The following ESRRA variants were observed in gnomAD, a reference collection of about 807,000 sequenced individuals.
ESRRA encodes the protein steroid hormone receptor ERR1.
A neutral mutation model predicts 35.6 loss-of-function variants in ESRRA; 7 were observed. The observed-to-expected ratio is 0.20, with a 90% CI of 0.11 to 0.37. The LOEUF (loss-of-function observed/expected upper bound fraction) is 0.37, where lower values mean the gene tolerates loss of function less well. Ranked by LOEUF, ESRRA falls within the 10% of genes least tolerant of loss-of-function variation. ESRRA has a pLI of 1.00. For synonymous variants in ESRRA, 223 were observed against 246.9 expected (o/e 0.90, Z 0.91); for missense variants, 378 against 561.7 (o/e 0.67, Z 3.31).
At position 64,313,576 on chromosome 11, in the gene ESRRA, G is replaced by A. The variant is rs1257519962; in HGVS notation, c.326-375G>A. Among the ~76,000 whole-genome samples, 1 of 152,170 alleles carries A rather than the reference G, an allele frequency of 6.6e-6. No homozygotes were observed. The highest frequency in any genetic ancestry group is 1.5e-5 in the Non-Finnish European group (1 of 68,016). ...GAAGAAAGTGTTTCAGTGTTTCTAG[G>A]AGCAGGAAGTGATCAACAGCCTTAG... is the stretch of plus-strand genomic sequence containing the variant. On this transcript the variant is annotated intron_variant, in intron 2 of 6. Coordinates refer to ENST00000000442, the MANE Select transcript of ESRRA (RefSeq NM_004451.5). This position sits in a 1 kb window ranked among gnomAD's most constrained non-coding sequence, Gnocchi z 4.0.
At chr11:64,307,127 T>A in intron 1 of ESRRA, 41 bp from the exon 2 acceptor site, 1 of 1,495,696 alleles carries the variant, frequency 6.7e-7, no homozygotes, top group Non-Finnish European at 9.0e-7. Flanking sequence ...CCATCCCCCA[T>A]ACCAGTGCTT....
rs531594229 is a variant in ESRRA, at chr11:64,315,119, T to C, written c.861T>C (p.Ala287=). The part of the protein sequence containing the change: ...SLPLQDELAF[A]EDLVLDEEGA... Reference sequence around the variant, plus strand: ...CACTGCAGGATGAGCTGGCCTTCGCTGAGGACTTAGTCCTGGATGAAGAGG... The same window carrying C: ...CACTGCAGGATGAGCTGGCCTTCGCCGAGGACTTAGTCCTGGATGAAGAGG... The change falls in exon 6 of 7, where the codon GCT becomes GCC. Residue 287 remains alanine (A), a synonymous_variant. Transcript: ENST00000000442. 1,122 of 1,612,684 alleles carry C rather than the reference T, an allele frequency of 7.0e-4. 21 individuals carry two copies. In the South Asian group the frequency reaches 0.012, roughly 17 times the overall value.
At chr11:64,306,983 A>G (rs2035045968) in intron 1 of ESRRA, 185 bp from the exon 2 acceptor site, 1 of 470,894 alleles carries the variant, frequency 2.1e-6, no homozygotes, top group Non-Finnish European at 3.7e-6. Flanking sequence ...CTCTGTTTCC[A>G]TGGCAACAGC....
Position 64,315,752 on chromosome 11 carries a change from A to C in ESRRA, c.1058A>C (p.Glu353Ala), listed in dbSNP as rs760746703. The C allele has an allele frequency of 6.8e-6, 11 of 1,613,816 alleles. No homozygotes were observed. The highest frequency in any genetic ancestry group is 1.1e-5 in the South Asian group (1 of 91,082). ...GCCGAGGCTGTGGAGCAGCTGCGAGAAGCTCTGCACGAGGCCCTGCTGGAG... is the reference window on the plus strand; with the variant it reads ...GCCGAGGCTGTGGAGCAGCTGCGAGCAGCTCTGCACGAGGCCCTGCTGGAG... ...EDAEAVEQLR[E>A]ALHEALLEYE... The change falls in exon 7 of 7, where the codon GAA becomes GCA. Residue 353 changes from glutamate (E) to alanine (A), a missense_variant. Around this residue, in one of 4 missense-constraint regions of ESRRA, gnomAD observed 284 missense variants for 411.7 expected, o/e 0.69. Coordinates refer to ENST00000000442, the MANE Select transcript of ESRRA (RefSeq NM_004451.5).
At chr11:64,309,695 A>G (rs1347155239) in intron 2 of ESRRA, among the ~76,000 whole-genome samples, 2 of 150,894 alleles carry the variant, frequency 1.3e-5, no homozygotes, top group African/African-American at 4.9e-5. Flanking sequence ...GCACTTTCGG[A>G]GGCTAAGATG....
At chr11:64,315,637 T>C in intron 6 of ESRRA, 70 bp from the exon 7 acceptor site, 1 of 1,576,328 alleles carries the variant, frequency 6.3e-7, no homozygotes, top group South Asian at 1.1e-5. Flanking sequence ...CATCCAGCAG[T>C]GCTCAAGATA....
chr11:64,307,240 G>C lies in ESRRA; in HGVS notation c.61G>C (p.Asp21His). The change falls in exon 2 of 7, where the codon GAC becomes CAC. Residue 21 changes from aspartate (D) to histidine (H), a missense_variant. By Grantham distance (81) the Asp-to-His change is moderately conservative (BLOSUM62 -1). Coordinates refer to ENST00000000442, the MANE Select transcript of ESRRA (RefSeq NM_004451.5). ...CATCAAGGCAGAGCCGGCCAGCCCTGACAGTCCAAAGGGTTCCTCGGAGAC... is the reference window on the plus strand; with the variant it reads ...CATCAAGGCAGAGCCGGCCAGCCCTCACAGTCCAAAGGGTTCCTCGGAGAC... ...LYIKAEPASP[D>H]SPKGSSETET... 1.9e-6 allele frequency: 3 copies of C among 1,612,546 alleles called. No homozygotes were observed. The highest frequency in any genetic ancestry group is 1.1e-5 in the South Asian group (1 of 90,790).
chr11:64,315,545 T>C (rs574269166), intron 6 of ESRRA, among the ~76,000 whole-genome samples, 162 bp from the exon 7 acceptor site: 32 of 151,758 alleles, frequency 2.1e-4, no homozygotes, highest in Non-Finnish European at 3.7e-4. Flanking sequence ...GAGGGTGGGG[T>C]CCTGGCCCAC....
rs552030809 is a variant in ESRRA, at chr11:64,316,336, G to A, written c.*370G>A. The A allele has an allele frequency of 4.6e-4, 106 of 232,740 alleles. No individual in the cohort carries two copies. Among genetic ancestry groups the A allele is most frequent in the Non-Finnish European group, 7.6e-4 (88 of 116,268 alleles). The allele number at this position is 232,740 out of a possible 1,614,324, so 14.4% of individuals were successfully genotyped here. ...CCCAGTGGGTGATGCTTTTGCTGCTGCTTAATCCTACCCCCTCTTCAAAGC... is the reference window on the plus strand; with the variant it reads ...CCCAGTGGGTGATGCTTTTGCTGCTACTTAATCCTACCCCCTCTTCAAAGC... On this transcript the variant is annotated 3_prime_UTR_variant, in exon 7 of 7. Transcript: ENST00000000442.
rs41294424 is a variant in ESRRA, at chr11:64,316,471, C to G, written c.*505C>G. The G allele has an allele frequency of 4.7e-6, 1 of 214,300 alleles. No homozygotes were observed. Among genetic ancestry groups the G allele is most frequent in the Admixed American group, 5.2e-5 (1 of 19,238 alleles). The allele number at this position is 214,300 out of a possible 1,614,324, so 13.3% of individuals were successfully genotyped here. A position where few individuals can be genotyped will look rare whatever the true frequency, so the allele number is the denominator to read the frequency against. ...AGCAATAACTCCAAGCAGACTCCAGCCCCTGGACCCCTGGGGTGGCCAGGG... is the reference window on the plus strand; with the variant it reads ...AGCAATAACTCCAAGCAGACTCCAGGCCCTGGACCCCTGGGGTGGCCAGGG... On this transcript the variant is annotated 3_prime_UTR_variant, in exon 7 of 7. Transcript: ENST00000000442.
At chr11:64,309,956 C>A (rs994879790) in intron 2 of ESRRA, among the ~76,000 whole-genome samples, 3 of 147,296 alleles carry the variant, frequency 2.0e-5, no homozygotes, top group Admixed American at 1.4e-4. Context: ...AAAAAAAAAT[C>A]TTGAGTGCTT....
chr11:64,314,017 G>A lies in ESRRA; in HGVS notation c.392G>A (p.Cys131Tyr). 6.3e-7 allele frequency: 1 copy of A among 1,582,038 alleles called. No homozygotes were observed. Among genetic ancestry groups the A allele is most frequent in the Non-Finnish European group, 8.6e-7 (1 of 1,164,384 alleles). The change falls in exon 3 of 7, where the codon TGC (cysteine) becomes TAC (tyrosine). Residue 131 changes from cysteine (C) to tyrosine (Y), a missense_variant. This residue lies in a region of ESRRA where 284 missense variants were observed against 411.7 expected (regional missense o/e 0.69). Coordinates refer to ENST00000000442, the MANE Select transcript of ESRRA (RefSeq NM_004451.5). Reference protein sequence around the residue: ...CEITKRRRKACQACRFTKCLR... With the variant: ...CEITKRRRKAYQACRFTKCLR... ...ATCACCAAGCGGAGACGCAAGGCCTGCCAGGCCTGCCGCTTCACCAAGTGC... is the reference window on the plus strand; with the variant it reads ...ATCACCAAGCGGAGACGCAAGGCCTACCAGGCCTGCCGCTTCACCAAGTGC...
chr11:64,309,647 AAAAAG>A (rs1195430667), intron 2 of ESRRA, among the ~76,000 whole-genome samples: 1 of 151,586 alleles, frequency 6.6e-6, no homozygotes, highest in Non-Finnish European at 1.5e-5. Flanking sequence ...AAAAAAAAAA[AAAAAG>A]GCCAAGTGTG....
chr11:64,314,119 C>G (rs759334783), intron 3 of ESRRA, 52 bp downstream of exon 3: 7 of 1,550,732 alleles, frequency 4.5e-6, no homozygotes, highest in Non-Finnish European at 6.1e-6. Context: ...GGGACCCGGG[C>G]CAGGTGGGGG....
In ESRRA at chr11:64,313,557, A is replaced by C. The variant is rs2035182378; in HGVS notation, c.326-394A>C. Among the ~76,000 whole-genome samples the C allele has an allele frequency of 6.6e-6, 1 of 152,174 alleles. No individual in the cohort carries two copies. The highest frequency in any genetic ancestry group is 2.4e-5 in the African/African-American group (1 of 41,432). ...TGCTGTCCTAGAAGCAAAAGAAGAA[A>C]GTGTTTCAGTGTTTCTAGGAGCAGG... On this transcript the variant is annotated intron_variant, in intron 2 of 6. Transcript: ENST00000000442. The surrounding 1 kb of genome is among the most constrained non-coding windows in gnomAD (Gnocchi z 4.0).
In ESRRA at chr11:64,315,167, G is replaced by A. The variant is rs2035221333; in HGVS notation, c.909G>A (p.Gly303=). The A allele has an allele frequency of 6.2e-7, 1 of 1,613,134 alleles. No individual in the cohort carries two copies. The highest frequency in any genetic ancestry group is 1.3e-5 in the African/African-American group (1 of 75,068). ...AGGGGGCACGGGCAGCTGGCCTGGG[G>A]GAACTGGGGGCTGCCCTGCTGCAAC... is the stretch of plus-strand genomic sequence containing the variant. The part of the protein sequence containing the change: ...DEEGARAAGL[G]ELGAALLQLV... The change falls in exon 6 of 7, where the codon GGG becomes GGA. Residue 303 remains glycine, a synonymous_variant. Transcript: ENST00000000442.
rs1219268305 is a variant in ESRRA, at chr11:64,311,701, C to CT, written c.326-2239dup. On this transcript the variant is annotated intron_variant, in intron 2 of 6. Transcript: ENST00000000442. ...AGTGCTGGGATTACGCTCCCGGCCT[C>CT]TTTTTTTTTTTAGACAGAGTCTCAC... Among the ~76,000 whole-genome samples, 1,269 of 132,668 alleles carry CT rather than the reference C, an allele frequency of 9.6e-3. 17 individuals are homozygous for CT. The highest frequency in any genetic ancestry group is 0.033 in the African/African-American group (1,167 of 35,874). The allele number at this position is 132,668 out of a possible 152,430, so 87.0% of individuals were successfully genotyped here.
intron 2 of ESRRA, among the ~76,000 whole-genome samples, chr11:64,311,505 TC>T (rs2035139854): frequency 1.3e-5 from 2 of 148,626 alleles, no homozygotes; most frequent in Admixed American, 1.4e-4. Flanking sequence ...AAGCTCCGCC[TC>T]CCGGGTTCAA....
chr11:64,313,815 C>T lies in ESRRA; in HGVS notation c.326-136C>T. ...GCAGCCACTCCCCTCCCTGCCTGCTCATGGCCCCCTGCTCTCCCTTTCCTC... is the reference window on the plus strand; with the variant it reads ...GCAGCCACTCCCCTCCCTGCCTGCTTATGGCCCCCTGCTCTCCCTTTCCTC... On this transcript the variant is annotated intron_variant, in intron 2 of 6. Coordinates refer to ENST00000000442, the MANE Select transcript of ESRRA (RefSeq NM_004451.5). The surrounding 1 kb of genome is among the most constrained non-coding windows in gnomAD (Gnocchi z 4.0). The T allele has an allele frequency of 5.0e-6, 3 of 604,172 alleles. No homozygotes were observed. Among genetic ancestry groups the T allele is most frequent in the South Asian group, 4.4e-5 (2 of 45,082 alleles). The allele number at this position is 604,172 out of a possible 1,614,324, so 37.4% of individuals were successfully genotyped here.
Sources: gnomAD v4.1 joint callset for allele counts (sites outside exome capture counted in the v4.1 genomes callset) on GRCh38, gnomAD v4.1.1 for gene constraint, gnomAD v4.1.1 regional missense constraint, Gnocchi (gnomAD v3.1) non-coding constraint, MANE v1.5 for transcripts, NCBI Gene and HGNC (gene_info 2026-07-23, HGNC 2026-07-21) for gene names.